The following PRIM2 variants were observed in gnomAD, a reference collection of about 807,000 sequenced individuals.
PRIM2 encodes DNA primase subunit 2, also known as DNA primase large subunit.
A neutral mutation model predicts 67.3 loss-of-function variants in PRIM2; 39 were observed. That is an observed-to-expected ratio of 0.58 (90% CI 0.45 to 0.76). The LOEUF is 0.76. Among genes scored for constraint, PRIM2 ranks in the 30% least tolerant of loss-of-function variants. PRIM2 has a pLI of 0.00. For synonymous variants in PRIM2, 143 were observed against 198.7 expected (o/e 0.72, Z 2.36); for missense variants, 398 against 598.7 (o/e 0.66, Z 3.50).
intron 13 of PRIM2, among the ~76,000 whole-genome samples, chr6:57,643,067 C>T (rs2127502455): frequency 6.6e-6 from 1 of 152,062 alleles, no homozygotes; most frequent in East Asian, 1.9e-4. Flanking sequence ...TTACTTTTCC[C>T]ATGGCAACCC....
At chr6:57,535,213 A>C (rs1774979821) in intron 9 of PRIM2, among the ~76,000 whole-genome samples, 1 of 152,162 alleles carries the variant, frequency 6.6e-6, no homozygotes, top group Admixed American at 6.5e-5. Context: ...TGGCATGTGC[A>C]TGAGAAGGGT....
chr6:57,249,998 A>T, the PRIM2 span, among the ~76,000 whole-genome samples: 1 of 152,138 alleles, frequency 6.6e-6, no homozygotes, highest in African/African-American at 2.4e-5. Flanking sequence ...CTAAATGTGT[A>T]TCTTCCTGTG....
intron 8 of PRIM2, among the ~76,000 whole-genome samples, chr6:57,532,069 C>T (rs1162070488): frequency 6.6e-6 from 1 of 152,030 alleles, no homozygotes; most frequent in Non-Finnish European, 1.5e-5. Flanking sequence ...ATTTAAGTTC[C>T]AGCTGCTTTT....
intron 5 of PRIM2, among the ~76,000 whole-genome samples, chr6:57,338,382 A>G (rs1768344009): frequency 6.6e-6 from 1 of 152,142 alleles, no homozygotes; most frequent in South Asian, 2.1e-4. Flanking sequence ...TCCTGATACC[A>G]AAGCCGGGCA....
At chr6:57,277,518 A>C in the PRIM2 span, among the ~76,000 whole-genome samples, 1 of 152,180 alleles carries the variant, frequency 6.6e-6, no homozygotes, top group Non-Finnish European at 1.5e-5. Flanking sequence ...CCTTATATGC[A>C]GTTACCCATT....
chr6:57,297,846 A>C, the PRIM2 span, among the ~76,000 whole-genome samples: 2 of 152,310 alleles, frequency 1.3e-5, no homozygotes, highest in African/African-American at 4.8e-5. Context: ...AATCTTCAAA[A>C]ATAGCAGGGA....
chr6:57,543,816 C>T lies in PRIM2; in HGVS notation c.1020+6191C>T, dbSNP rs1775229684. On this transcript the variant is annotated intron_variant, in intron 10 of 13. Transcript: ENST00000615550. ...TTAATGTTGGAGGGGAATGTGTTGT[C>T]TGTATTCTAAAATAATTTACACCTG... Among the ~76,000 whole-genome samples the T allele has an allele frequency of 4.0e-5, 6 of 151,800 alleles. 1 individual carries two copies. The highest frequency in any genetic ancestry group is 1.2e-4 in the African/African-American group (5 of 41,276).
At chr6:57,595,789 C>T (rs1776355599) in intron 10 of PRIM2, among the ~76,000 whole-genome samples, 2 of 152,296 alleles carry the variant, frequency 1.3e-5, no homozygotes, top group South Asian at 4.1e-4. Flanking sequence ...CCTATCATCT[C>T]CATGTCTTCA....
chr6:57,578,676 GTTTT>G (rs1171202485), intron 10 of PRIM2, among the ~76,000 whole-genome samples: 5 of 101,334 alleles, frequency 4.9e-5, no homozygotes, highest in Admixed American at 1.0e-4. Context: ...TTTGTTTTTT[GTTTT>G]TTTTTTTTTT....
At chr6:57,267,209 C>G in the PRIM2 span, among the ~76,000 whole-genome samples, 23 of 152,150 alleles carry the variant, frequency 1.5e-4, no homozygotes, top group Admixed American at 1.3e-3. Flanking sequence ...AAGCTTGATG[C>G]ACAAAGGTCC....
At chr6:57,404,434 T>G (rs1249512659) in intron 7 of PRIM2, among the ~76,000 whole-genome samples, 1 of 127,966 alleles carries the variant, frequency 7.8e-6, no homozygotes, top group South Asian at 2.9e-4. Context: ...ATGAATTACC[T>G]TGTGAGAGCT....
At chr6:57,468,668 C>T (rs1204537119) in intron 7 of PRIM2, among the ~76,000 whole-genome samples, 26 of 152,046 alleles carry the variant, frequency 1.7e-4, no homozygotes, top group Admixed American at 9.8e-4. Flanking sequence ...GTTTGGGGCC[C>T]CCGTTCTAAG....
chr6:57,293,176 G>A, the PRIM2 span, among the ~76,000 whole-genome samples: 3 of 152,258 alleles, frequency 2.0e-5, no homozygotes, highest in South Asian at 4.1e-4. Context: ...GTGGGCAAAG[G>A]ATATGAACAG....
At chr6:57,467,937 G>A (rs1773245167) in intron 7 of PRIM2, among the ~76,000 whole-genome samples, 1 of 152,152 alleles carries the variant, frequency 6.6e-6, no homozygotes, top group South Asian at 2.1e-4. Context: ...GTCTGTTATT[G>A]GTATATAGGA....
intron 7 of PRIM2, among the ~76,000 whole-genome samples, chr6:57,431,668 T>A (rs1771834662): frequency 6.6e-6 from 1 of 152,106 alleles, no homozygotes; most frequent in Non-Finnish European, 1.5e-5. Context: ...ATGTGATTTG[T>A]TTTGTTTGAG....
intron 7 of PRIM2, among the ~76,000 whole-genome samples, chr6:57,441,303 C>G (rs1027405649): frequency 6.6e-6 from 1 of 152,126 alleles, no homozygotes; most frequent in Non-Finnish European, 1.5e-5. Flanking sequence ...ACCTTTTTTC[C>G]CCGCTAGCTT....
chr6:57,646,318 C>T lies in PRIM2; in HGVS notation c.*160C>T, dbSNP rs1777334024. On this transcript the variant is annotated 3_prime_UTR_variant, in exon 14 of 14. Coordinates refer to ENST00000615550, the MANE Select transcript of PRIM2 (RefSeq NM_000947.5). ...CTTCCCAGCTCAAGTGATCCTCCTA[C>T]CTCAGCCTCCCAAGTAGTTAGGACC... is the stretch of plus-strand genomic sequence containing the variant. The T allele has an allele frequency of 9.7e-6, 6 of 621,006 alleles. No individual in the cohort carries two copies. The highest frequency in any genetic ancestry group is 1.7e-5 in the Non-Finnish European group (6 of 354,506). 38.5% of individuals were successfully genotyped at this position (621,006 alleles called of 1,614,324 possible).
At chr6:57,507,847 A>C (rs1774281284) in intron 8 of PRIM2, among the ~76,000 whole-genome samples, 1 of 134,088 alleles carries the variant, frequency 7.5e-6, no homozygotes, top group African/African-American at 2.8e-5. Flanking sequence ...TCATTATTTA[A>C]AAAATAAAGT....
chr6:57,580,223 A>C (rs1776056185), intron 10 of PRIM2, among the ~76,000 whole-genome samples: 1 of 152,134 alleles, frequency 6.6e-6, no homozygotes, highest in African/African-American at 2.4e-5. Flanking sequence ...CCCCGGCATC[A>C]TAGCAAGATC....
Sources: allele counts gnomAD v4.1 joint callset (sites outside exome capture counted in the v4.1 genomes callset), GRCh38; gene constraint gnomAD v4.1.1; transcripts MANE v1.5; gene names NCBI Gene and HGNC (gene_info 2026-07-23, HGNC 2026-07-21).